Variants in CACNA1E observed in about 807,000 individuals in gnomAD.
CACNA1E encodes the protein calcium voltage-gated channel subunit alpha1 E, also known as voltage-dependent R-type calcium channel subunit alpha-1E.
Under a neutral mutation model 259.2 loss-of-function variants are expected in CACNA1E, and 40 were observed. The ratio of observed to expected loss-of-function variants is 0.15; its 90% CI spans 0.12 to 0.20. The LOEUF (loss-of-function observed/expected upper bound fraction) is 0.20, where lower values mean the gene tolerates loss of function less well. Among genes scored for constraint, CACNA1E ranks in the 10% least tolerant of loss-of-function variants. The pLI is 1.00. For missense variants in CACNA1E, 1,874 were observed against 3,040.1 expected (o/e 0.62, Z 9.02); for synonymous variants, 1,104 against 1,138.5 (o/e 0.97, Z 0.61).
chr1:181,766,704 T>C, intron 35 of CACNA1E, 93 bp downstream of exon 35: 1 of 939,300 alleles, frequency 1.1e-6, no homozygotes, highest in Non-Finnish European at 1.7e-6. Flanking sequence ...TGAAGATGCT[T>C]TGAACCCCTT....
intron 1 of CACNA1E, among the ~76,000 whole-genome samples, chr1:181,340,164 T>A (rs116577568): frequency 0.013 from 2,018 of 151,438 alleles, 56 homozygotes; most frequent in African/African-American, 0.047. Flanking sequence ...TCCTACATAA[T>A]TTTTTTTTAC....
intron 3 of CACNA1E, among the ~76,000 whole-genome samples, chr1:181,521,174 A>C (rs1391959499): frequency 6.6e-6 from 1 of 152,216 alleles, no homozygotes; most frequent in Admixed American, 6.5e-5. Context: ...AACAGTGACT[A>C]GGAGGCAGAG....
In CACNA1E at chr1:181,729,413, G is replaced by T. The variant is rs1655255343; in HGVS notation, c.2241-1762G>T. ...CCTGCTTGGGTGTTAAGGCGAAACT[G>T]CTGATTTCCGACTACACTTTAAGTG... is the stretch of plus-strand genomic sequence containing the variant. On this transcript the variant is annotated intron_variant, in intron 18 of 47. Coordinates refer to ENST00000367573, the MANE Select transcript of CACNA1E (RefSeq NM_001205293.3). Among the ~76,000 whole-genome samples the T allele has an allele frequency of 2.0e-5, 3 of 152,232 alleles. No homozygotes were observed. In the South Asian group the frequency reaches 6.2e-4, roughly 31 times the overall value.
At chr1:181,480,213 C>T (rs1003221425), upstream of CACNA1E, among the ~76,000 whole-genome samples, 2 of 152,148 alleles carry the variant, frequency 1.3e-5, no homozygotes, top group Non-Finnish European at 2.9e-5. Context: ...GATCTCAAAG[C>T]TCTCAAGAGC....
chr1:181,731,292 C>A, intron 19 of CACNA1E, 61 bp downstream of exon 19: 1 of 1,345,616 alleles, frequency 7.4e-7, no homozygotes, highest in South Asian at 1.2e-5. Context: ...GACAATGTGT[C>A]ATTGTCCTTG....
chr1:181,715,456 G>C (rs1653801052), intron 9 of CACNA1E, 65 bp downstream of exon 9: 2 of 885,556 alleles, frequency 2.3e-6, no homozygotes, highest in Admixed American at 2.0e-5. Flanking sequence ...GGCAATCTCT[G>C]TTATTCAAAA....
chr1:181,423,662 A>ATGTTTTTTTTTT (rs1430665143), intron 2 of CACNA1E, among the ~76,000 whole-genome samples: 5 of 131,058 alleles, frequency 3.8e-5, no homozygotes, highest in African/African-American at 1.5e-4. Context: ...CATTGGGCCA[A>ATGTTTTTTTTTT]TTTTTTTTTT....
At position 181,610,029 on chromosome 1, in the gene CACNA1E, C is replaced by G. The variant is rs756696206; in HGVS notation, c.951+29253C>G. On this transcript the variant is annotated intron_variant, in intron 6 of 47. Transcript: ENST00000367573. The stretch of plus-strand genomic sequence containing the variant: ...TATCCAGTTTTGTGGCCCCTGGACA[C>G]CAACACAGTATTCATTGGATGGTGA... Among the ~76,000 whole-genome samples the G allele has an allele frequency of 1.2e-4, 18 of 152,266 alleles. No homozygotes were observed. In the South Asian group the frequency reaches 1.2e-3, roughly 11 times the overall value.
chr1:181,410,101 C>G (rs781741498), intron 1 of CACNA1E, among the ~76,000 whole-genome samples: 10 of 151,974 alleles, frequency 6.6e-5, no homozygotes, highest in Non-Finnish European at 2.9e-5. Flanking sequence ...ATGCTAAGGC[C>G]TGGGGAGGGA....
At chr1:181,748,768 T>C (rs1196945311) in intron 25 of CACNA1E, among the ~76,000 whole-genome samples, 1 of 152,260 alleles carries the variant, frequency 6.6e-6, no homozygotes, top group Non-Finnish European at 1.5e-5. Context: ...ATTAATGTGC[T>C]TGTTTACTTG....
intron 6 of CACNA1E, among the ~76,000 whole-genome samples, chr1:181,640,100 C>T (rs1312769810): frequency 2.6e-5 from 4 of 152,104 alleles, no homozygotes; most frequent in Non-Finnish European, 5.9e-5. Context: ...TATGGCACTA[C>T]GGGAAGTGGA....
chr1:181,662,872 A>G (rs950088259), intron 7 of CACNA1E, among the ~76,000 whole-genome samples: 10 of 152,214 alleles, frequency 6.6e-5, no homozygotes, highest in Non-Finnish European at 1.3e-4. Context: ...TGAGGCCATC[A>G]GCTTAGACAC....
chr1:181,607,332 C>T (rs2103092783), intron 6 of CACNA1E, among the ~76,000 whole-genome samples: 1 of 152,294 alleles, frequency 6.6e-6, no homozygotes, highest in East Asian at 1.9e-4. Context: ...TAAACTTTCA[C>T]CAAATAAAGA....
At chr1:181,693,280 C>T (rs951043555) in intron 7 of CACNA1E, among the ~76,000 whole-genome samples, 27 of 152,014 alleles carry the variant, frequency 1.8e-4, no homozygotes, top group African/African-American at 5.3e-4. Context: ...AACTAGCATT[C>T]GACCCAGCAA....
intron 2 of CACNA1E, among the ~76,000 whole-genome samples, chr1:181,462,717 T>G (rs1405320611): frequency 6.6e-6 from 1 of 152,188 alleles, no homozygotes; most frequent in African/African-American, 2.4e-5. Flanking sequence ...TGAAAAAGCA[T>G]GTATATGAAT....
chr1:181,737,703 A>G (rs776286084), intron 23 of CACNA1E, 49 bp downstream of exon 23: 2 of 1,584,916 alleles, frequency 1.3e-6, no homozygotes, highest in South Asian at 2.3e-5. Flanking sequence ...TCTGGTGCTC[A>G]CCCCATCCCA....
At chr1:181,619,930 T>C (rs900073505) in intron 6 of CACNA1E, among the ~76,000 whole-genome samples, 5 of 151,924 alleles carry the variant, frequency 3.3e-5, no homozygotes, top group Non-Finnish European at 5.9e-5. Flanking sequence ...AAACGTGAAG[T>C]TGGAGGTGGC....
intron 1 of CACNA1E, among the ~76,000 whole-genome samples, chr1:181,509,295 C>G (rs575702222): frequency 3.3e-5 from 5 of 152,128 alleles, no homozygotes; most frequent in Admixed American, 6.5e-5. Context: ...CCACAGGTAG[C>G]CTGGCAGGAT....
At chr1:181,623,222 C>G (rs1655883860) in intron 6 of CACNA1E, among the ~76,000 whole-genome samples, 1 of 152,120 alleles carries the variant, frequency 6.6e-6, no homozygotes, top group African/African-American at 2.4e-5. Context: ...AACCCCTTTT[C>G]AAAATTTGTG....
Sources: allele counts gnomAD v4.1 joint callset (sites outside exome capture counted in the v4.1 genomes callset), GRCh38; gene constraint gnomAD v4.1.1; transcripts MANE v1.5; gene names NCBI Gene and HGNC (gene_info 2026-07-23, HGNC 2026-07-21).